TEKTL1: variants seen among roughly 807,000 people sequenced by gnomAD.
TEKTL1 encodes tektin-like protein 1.
chr19:15,019,217 G>A, the TEKTL1 span, among the ~76,000 whole-genome samples: 1 of 152,098 alleles, frequency 6.6e-6, no homozygotes, highest in Non-Finnish European at 1.5e-5. Flanking sequence ...CCAAAGTGCT[G>A]GAATTACAGG....
At chr19:15,022,315 G>GTTATTA in the TEKTL1 span, among the ~76,000 whole-genome samples, 96,454 of 151,098 alleles carry the variant, frequency 0.64, 31,475 homozygotes, top group Admixed American at 0.72. Flanking sequence ...CTGCCCAGCT[G>GTTATTA]TTATTATTAA....
chr19:15,012,520 C>A, the TEKTL1 span, among the ~76,000 whole-genome samples: 2 of 151,884 alleles, frequency 1.3e-5, no homozygotes, highest in African/African-American at 4.8e-5. Flanking sequence ...TATGATAGGG[C>A]CACTACACTT....
At chr19:15,011,410 C>G in the TEKTL1 span, 13 of 1,410,614 alleles carry the variant, frequency 9.2e-6, no homozygotes, top group South Asian at 1.1e-4. Flanking sequence ...GACCCTCCCC[C>G]ACGCCCAACC....
the TEKTL1 span, chr19:15,020,396 C>T: frequency 7.2e-7 from 1 of 1,379,482 alleles, no homozygotes; most frequent in Non-Finnish European, 1.0e-6. Context: ...GCAGAGAAAT[C>T]ACTTGCATCC....
the TEKTL1 span, chr19:15,022,879 C>T: frequency 6.3e-7 from 1 of 1,592,628 alleles, no homozygotes; most frequent in Non-Finnish European, 8.6e-7. Context: ...AGGGCACCGA[C>T]AAGCTGCAGT....
chr19:15,015,478 A>G, the TEKTL1 span, among the ~76,000 whole-genome samples: 4 of 152,128 alleles, frequency 2.6e-5, no homozygotes, highest in African/African-American at 4.8e-5. Context: ...GGTGATTTCA[A>G]TGAAAACCAC....
chr19:15,019,267 C>T, the TEKTL1 span, among the ~76,000 whole-genome samples: 2,651 of 152,214 alleles, frequency 0.017, 83 homozygotes, highest in African/African-American at 0.06. Context: ...GTGATTTTTT[C>T]ACAGTGTGTT....
the TEKTL1 span, chr19:15,011,053 G>T: frequency 6.3e-7 from 1 of 1,578,142 alleles, no homozygotes; most frequent in South Asian, 1.2e-5. Flanking sequence ...TCCGCGTGGA[G>T]ATGATCAAAG....
the TEKTL1 span, among the ~76,000 whole-genome samples, chr19:15,019,150 T>C: frequency 6.6e-6 from 1 of 152,112 alleles, no homozygotes; most frequent in Non-Finnish European, 1.5e-5. Flanking sequence ...AGTTTCACCA[T>C]GTGGCCCAGG....
At chr19:15,014,200 A>G in the TEKTL1 span, among the ~76,000 whole-genome samples, 1 of 152,164 alleles carries the variant, frequency 6.6e-6, no homozygotes, top group Non-Finnish European at 1.5e-5. Flanking sequence ...GCCAGACTTG[A>G]TCTCTCGCTG....
the TEKTL1 span, chr19:15,021,570 G>A: frequency 1.7e-5 from 28 of 1,613,424 alleles, no homozygotes; most frequent in Non-Finnish European, 2.4e-5. Flanking sequence ...GGGAGGAGAC[G>A]CGGACTGGGA....
the TEKTL1 span, among the ~76,000 whole-genome samples, chr19:15,019,675 G>T: frequency 6.6e-6 from 1 of 152,042 alleles, no homozygotes; most frequent in East Asian, 1.9e-4. Flanking sequence ...TGGAACATTG[G>T]GGAAATAAGT....
chr19:15,011,102 G>T, the TEKTL1 span: 1 of 1,564,634 alleles, frequency 6.4e-7, no homozygotes. Context: ...AGGCGAGGGC[G>T]TCACGCTGTG....
the TEKTL1 span, among the ~76,000 whole-genome samples, chr19:15,014,974 G>A: frequency 6.6e-6 from 1 of 152,116 alleles, no homozygotes; most frequent in Admixed American, 6.5e-5. Context: ...GCTTCTTGAG[G>A]CCAGAAGTTC....
chr19:15,016,608 A>G, the TEKTL1 span, among the ~76,000 whole-genome samples: 2 of 152,210 alleles, frequency 1.3e-5, no homozygotes, highest in African/African-American at 4.8e-5. Flanking sequence ...TTTTTAACCA[A>G]ATGAATAAAT....
the TEKTL1 span, among the ~76,000 whole-genome samples, chr19:15,018,142 C>T: frequency 6.6e-6 from 1 of 152,148 alleles, no homozygotes; most frequent in South Asian, 2.1e-4. Context: ...CACCTGAGGT[C>T]AGAAGTTTCA....
the TEKTL1 span, chr19:15,021,966 T>C: frequency 7.0e-7 from 1 of 1,432,940 alleles, no homozygotes; most frequent in Non-Finnish European, 9.8e-7. Flanking sequence ...CCGCCAATGG[T>C]AAGGCTCCTT....
At chr19:15,014,337 C>T in the TEKTL1 span, among the ~76,000 whole-genome samples, 1 of 152,084 alleles carries the variant, frequency 6.6e-6, no homozygotes, top group East Asian at 1.9e-4. Context: ...TTCGACTCAT[C>T]CTTTTGATAA....
the TEKTL1 span, chr19:15,021,573 G>C: frequency 1.8e-3 from 2,906 of 1,613,504 alleles, 47 homozygotes; most frequent in African/African-American, 0.034. Flanking sequence ...AGGAGACGCG[G>C]ACTGGGAGCC....
Sources: allele counts gnomAD v4.1 joint callset (sites outside exome capture counted in the v4.1 genomes callset), GRCh38; gene constraint gnomAD v4.1.1; transcripts MANE v1.5; gene names NCBI Gene and HGNC (gene_info 2026-07-23, HGNC 2026-07-21).